The following DCDC1 variants were observed in gnomAD, a reference collection of about 807,000 sequenced individuals.
DCDC1 encodes the protein doublecortin domain-containing protein 1.
In DCDC1, 200 loss-of-function variants were observed where a neutral mutation model predicts 178.3. The ratio of observed to expected loss-of-function variants is 1.12; its 90% CI spans 1.00 to 1.26. DCDC1 has a LOEUF of 1.26. Among genes scored for constraint, DCDC1 ranks in the 50% most tolerant of loss-of-function variants. DCDC1 has a pLI of 0.00. For missense variants in DCDC1, 1,983 were observed against 1,749.2 expected (o/e 1.13, Z -2.38); for synonymous variants, 690 against 604.8 (o/e 1.14, Z -2.07).
chr11:31,364,755 T>A (rs980289065), intron 1 of DCDC1, among the ~76,000 whole-genome samples: 5 of 151,620 alleles, frequency 3.3e-5, no homozygotes, highest in Middle Eastern at 3.4e-3. Flanking sequence ...AAGGGAAAAA[T>A]GAAAACCATT....
At chr11:30,976,037 G>T (rs556791373) in intron 20 of DCDC1, among the ~76,000 whole-genome samples, 3 of 152,110 alleles carry the variant, frequency 2.0e-5, no homozygotes, top group Admixed American at 6.5e-5. Context: ...GCAGAAAGGA[G>T]AACCTAAAAA....
At chr11:31,186,016 G>C (rs143253102) in intron 9 of DCDC1, among the ~76,000 whole-genome samples, 14 of 152,064 alleles carry the variant, frequency 9.2e-5, no homozygotes, top group Non-Finnish European at 1.8e-4. Context: ...CTCCTCACTG[G>C]TTTCCCTGCT....
chr11:31,260,549 G>T (rs1433417641), intron 8 of DCDC1, among the ~76,000 whole-genome samples: 1 of 152,118 alleles, frequency 6.6e-6, no homozygotes, highest in Non-Finnish European at 1.5e-5. Flanking sequence ...GAATGACCTT[G>T]GAGTCAATTT....
At chr11:31,282,373 T>C (rs935770688) in intron 7 of DCDC1, among the ~76,000 whole-genome samples, 3 of 151,580 alleles carry the variant, frequency 2.0e-5, no homozygotes, top group African/African-American at 7.3e-5. Context: ...AAAGGGAGTT[T>C]AATGTCTATC....
chr11:30,990,280 T>C (rs987030971), intron 20 of DCDC1, among the ~76,000 whole-genome samples: 1 of 152,180 alleles, frequency 6.6e-6, no homozygotes, highest in African/African-American at 2.4e-5. Flanking sequence ...CTGTAAGATC[T>C]CATTTGAAGA....
intron 30 of DCDC1, 78 bp downstream of exon 30, chr11:30,906,462 G>A (rs1590312792): frequency 1.4e-6 from 2 of 1,425,140 alleles, no homozygotes; most frequent in East Asian, 4.9e-5. Context: ...GAACTTGAGT[G>A]CAAGGCAGAT....
At chr11:31,077,095 C>T (rs548248260) in intron 18 of DCDC1, among the ~76,000 whole-genome samples, 1 of 152,272 alleles carries the variant, frequency 6.6e-6, no homozygotes, top group Middle Eastern at 3.4e-3. Context: ...CTGGAGAATC[C>T]TCTCGTCTGC....
intron 7 of DCDC1, among the ~76,000 whole-genome samples, chr11:31,269,444 A>C (rs1373119009): frequency 6.6e-6 from 1 of 151,484 alleles, no homozygotes; most frequent in Non-Finnish European, 1.5e-5. Context: ...GTGCAGTGGC[A>C]TGATCACACC....
At chr11:31,280,015 A>C (rs1385993673) in intron 7 of DCDC1, among the ~76,000 whole-genome samples, 2 of 152,170 alleles carry the variant, frequency 1.3e-5, no homozygotes, top group Non-Finnish European at 2.9e-5. Context: ...TAAACATAAA[A>C]AAACTTGCTA....
intron 2 of DCDC1, among the ~76,000 whole-genome samples, chr11:31,333,599 G>A (rs981696714): frequency 5.9e-5 from 9 of 152,130 alleles, no homozygotes; most frequent in African/African-American, 2.2e-4. Flanking sequence ...CTCAGCATTT[G>A]CTTGTCTGTA....
chr11:31,313,730 G>A lies in DCDC1; in HGVS notation c.165-5822C>T, dbSNP rs143825645. The stretch of plus-strand genomic sequence containing the variant: ...ACTCATTGGCCCATATGTAGTCTCC[G>A]TGAACAGGTATAGTTCCTTTGCATG... On this transcript the variant is annotated intron_variant, in intron 3 of 38. Coordinates refer to ENST00000684477, the MANE Select transcript of DCDC1 (RefSeq NM_001387274.1). Among the ~76,000 whole-genome samples the A allele has an allele frequency of 9.5e-3, 1,440 of 152,118 alleles. 67 individuals are homozygous for A. The highest frequency in any genetic ancestry group is 0.081 in the Admixed American group (1,236 of 15,280).
At chr11:30,879,813 C>A (rs1226151194) in intron 37 of DCDC1, among the ~76,000 whole-genome samples, 1 of 152,042 alleles carries the variant, frequency 6.6e-6, no homozygotes, top group African/African-American at 2.4e-5. Flanking sequence ...GTTGGATACC[C>A]TTTTGGCTAG....
chr11:31,159,744 G>A (rs1966118294), intron 9 of DCDC1, among the ~76,000 whole-genome samples: 2 of 152,070 alleles, frequency 1.3e-5, no homozygotes, highest in African/African-American at 2.4e-5. Context: ...AATTGTGAGG[G>A]ATTAACAAAG....
intron 25 of DCDC1, among the ~76,000 whole-genome samples, chr11:30,917,777 T>C (rs1945955493): frequency 6.6e-6 from 1 of 152,196 alleles, no homozygotes; most frequent in African/African-American, 2.4e-5. Context: ...GCAAGCCTAT[T>C]TCAGCACTCT....
intron 21 of DCDC1, among the ~76,000 whole-genome samples, chr11:30,951,228 T>C (rs137985613): frequency 3.9e-5 from 6 of 152,158 alleles, no homozygotes; most frequent in Non-Finnish European, 7.4e-5. Flanking sequence ...AGAGAGAAGA[T>C]ATTAAAACCA....
chr11:31,238,256 T>C (rs1425870662), intron 9 of DCDC1, among the ~76,000 whole-genome samples: 6 of 152,114 alleles, frequency 3.9e-5, no homozygotes, highest in Non-Finnish European at 1.5e-5. Flanking sequence ...ATTACTTGTA[T>C]AGCTGCCTGG....
chr11:31,129,089 T>C (rs1187903689), intron 10 of DCDC1, among the ~76,000 whole-genome samples: 1 of 152,172 alleles, frequency 6.6e-6, no homozygotes, highest in Non-Finnish European at 1.5e-5. Context: ...CTAATTCTGA[T>C]GTTAAATCCA....
rs290093 is a variant in DCDC1 at position 31,005,247 on chromosome 11, G to A, written c.2592-52679C>T. 3.9e-5 allele frequency among the ~76,000 whole-genome samples: 6 copies of A among 152,020 alleles called. No individual in the cohort carries two copies. In the East Asian group the frequency reaches 9.6e-4, roughly 24 times the overall value. On this transcript the variant is annotated intron_variant, in intron 20 of 38. Coordinates refer to ENST00000684477, the MANE Select transcript of DCDC1 (RefSeq NM_001387274.1). ...ACAAACCTGCACCAGTAACTGTATC[G>A]CATTGTTAGTCCACCAACAACAATG... is the stretch of plus-strand genomic sequence containing the variant.
chr11:31,104,015 G>A (rs1264278614), intron 13 of DCDC1, among the ~76,000 whole-genome samples: 1 of 152,006 alleles, frequency 6.6e-6, no homozygotes, highest in Non-Finnish European at 1.5e-5. Flanking sequence ...AATAATAATT[G>A]CAATAATTAA....
Sources: gnomAD v4.1 joint callset for allele counts (sites outside exome capture counted in the v4.1 genomes callset) on GRCh38, gnomAD v4.1.1 for gene constraint, MANE v1.5 for transcripts, NCBI Gene and HGNC (gene_info 2026-07-23, HGNC 2026-07-21) for gene names.